Variants in TMEM178B observed in about 807,000 individuals in gnomAD.
TMEM178B encodes transmembrane protein 178B.
A neutral mutation model predicts 31.0 loss-of-function variants in TMEM178B; 5 were observed. That is an observed-to-expected ratio of 0.16 (90% CI 0.08 to 0.34). The LOEUF (loss-of-function observed/expected upper bound fraction) is 0.34. Ranked by LOEUF, TMEM178B falls within the 10% of genes least tolerant of loss-of-function variation. The pLI, the probability that TMEM178B is intolerant of heterozygous loss-of-function variation, is 1.00. For missense variants in TMEM178B, 275 were observed against 400.3 expected (o/e 0.69, Z 2.67); for synonymous variants, 164 against 164.0 (o/e 1.00, Z 0.00).
At chr7:141,130,188 G>A (rs1285131589) in intron 1 of TMEM178B, among the ~76,000 whole-genome samples, 1 of 152,148 alleles carries the variant, frequency 6.6e-6, no homozygotes, top group African/African-American at 2.4e-5. Context: ...CGGCTTTGCA[G>A]GGCCATTTCA....
chr7:141,441,566 G>T (rs1048433976), intron 3 of TMEM178B, among the ~76,000 whole-genome samples: 1 of 152,180 alleles, frequency 6.6e-6, no homozygotes, highest in African/African-American at 2.4e-5. Flanking sequence ...AAGTGAGAAG[G>T]GTGGGGGGAC....
At chr7:141,229,186 A>G (rs758681483) in intron 2 of TMEM178B, among the ~76,000 whole-genome samples, 28 of 151,184 alleles carry the variant, frequency 1.9e-4, no homozygotes, top group Admixed American at 5.3e-4. Flanking sequence ...GTAGGATTCA[A>G]TTGGAGGCTG....
At chr7:141,322,363 T>TA (rs57989369) in intron 2 of TMEM178B, among the ~76,000 whole-genome samples, 160 of 134,424 alleles carry the variant, frequency 1.2e-3, no homozygotes, top group East Asian at 2.5e-3. Context: ...CCCATCTTAC[T>TA]AAAAAAAAAA....
chr7:141,245,111 C>T (rs1354222843), intron 2 of TMEM178B, among the ~76,000 whole-genome samples: 4 of 130,390 alleles, frequency 3.1e-5, no homozygotes, highest in Non-Finnish European at 3.1e-5. Flanking sequence ...TGCAGTGAGC[C>T]GAGATCGCAC....
At chr7:141,348,957 C>T (rs1048649748) in intron 2 of TMEM178B, among the ~76,000 whole-genome samples, 2 of 152,196 alleles carry the variant, frequency 1.3e-5, no homozygotes, top group Non-Finnish European at 2.9e-5. Flanking sequence ...GGCAGGGTAT[C>T]GCTGATTGAC....
chr7:141,204,600 T>C (rs575119068), intron 1 of TMEM178B, among the ~76,000 whole-genome samples: 11 of 152,338 alleles, frequency 7.2e-5, no homozygotes, highest in African/African-American at 2.6e-4. Flanking sequence ...ATTGTGTAAA[T>C]ACAGCTTGTG....
intron 2 of TMEM178B, among the ~76,000 whole-genome samples, chr7:141,216,544 G>GGT (rs143826774): frequency 2.5e-4 from 37 of 148,282 alleles, no homozygotes; most frequent in African/African-American, 5.2e-4. Context: ...CAGGTGAACT[G>GGT]GTGTGTGTGT....
intron 1 of TMEM178B, among the ~76,000 whole-genome samples, chr7:141,168,730 A>T (rs1489035814): frequency 6.6e-6 from 1 of 152,130 alleles, no homozygotes; most frequent in African/African-American, 2.4e-5. Context: ...AGATCATGCC[A>T]CAGCACTCCA....
In TMEM178B at chr7:141,336,209, C is replaced by T. The variant is rs188736193; in HGVS notation, c.497-101399C>T. On this transcript the variant is annotated intron_variant, in intron 2 of 3. Transcript: ENST00000565468. The stretch of plus-strand genomic sequence containing the variant: ...CCTCATCCTGACTCTTTTTACCCAC[C>T]CTGGCCACTCTGTACTTCCAGGCTT... Among the ~76,000 whole-genome samples, 8 of 152,212 alleles carry T rather than the reference C, an allele frequency of 5.3e-5. No individual in the cohort carries two copies. The South Asian group carries it at 1.2e-3, about 24-fold the overall frequency.
intron 2 of TMEM178B, among the ~76,000 whole-genome samples, chr7:141,236,788 A>G (rs1157305828): frequency 6.6e-6 from 1 of 152,238 alleles, no homozygotes; most frequent in Non-Finnish European, 1.5e-5. Context: ...GCTTAAGGGA[A>G]ATTACAAAGG....
intron 1 of TMEM178B, among the ~76,000 whole-genome samples, chr7:141,203,309 C>T (rs545693043): frequency 1.3e-3 from 192 of 152,184 alleles, no homozygotes; most frequent in South Asian, 4.0e-3. Context: ...AGCCAGGCCT[C>T]GGGCTAGAAA....
intron 1 of TMEM178B, among the ~76,000 whole-genome samples, chr7:141,100,963 G>A (rs1795046609): frequency 6.6e-6 from 1 of 152,192 alleles, no homozygotes; most frequent in African/African-American, 2.4e-5. Context: ...TAAAGAAACA[G>A]ATGCCGTCAA....
At chr7:141,207,932 A>G (rs181158262) in intron 1 of TMEM178B, among the ~76,000 whole-genome samples, 1 of 152,190 alleles carries the variant, frequency 6.6e-6, no homozygotes, top group Non-Finnish European at 1.5e-5. Context: ...GCTTGTGCCT[A>G]TAATCCCAGC....
At chr7:141,086,024 CA>C (rs1301512096) in intron 1 of TMEM178B, among the ~76,000 whole-genome samples, 1 of 152,030 alleles carries the variant, frequency 6.6e-6, no homozygotes, top group Admixed American at 6.6e-5. Flanking sequence ...ATTTGAAATA[CA>C]TGTATTAATA....
At chr7:141,298,972 T>C (rs756961415) in intron 2 of TMEM178B, among the ~76,000 whole-genome samples, 3 of 151,992 alleles carry the variant, frequency 2.0e-5, no homozygotes, top group Non-Finnish European at 4.4e-5. Flanking sequence ...CTGAGTTTGG[T>C]AGGAACATGT....
chr7:141,405,701 C>T (rs1800873703), intron 2 of TMEM178B, among the ~76,000 whole-genome samples: 1 of 152,090 alleles, frequency 6.6e-6, no homozygotes, highest in Non-Finnish European at 1.5e-5. Context: ...CCCAGGTGCA[C>T]AAAAGTGATC....
intron 2 of TMEM178B, among the ~76,000 whole-genome samples, chr7:141,391,440 G>A (rs919001786): frequency 2.0e-5 from 3 of 152,264 alleles, no homozygotes; most frequent in South Asian, 4.2e-4. Context: ...GATTACAGGC[G>A]TGAGCCACCA....
intron 2 of TMEM178B, among the ~76,000 whole-genome samples, chr7:141,368,870 T>C (rs1257918606): frequency 2.0e-5 from 3 of 152,234 alleles, no homozygotes; most frequent in Non-Finnish European, 4.4e-5. Flanking sequence ...TAGAGGACCA[T>C]GCCGCTCCTG....
At chr7:141,360,398 C>T (rs189222590) in intron 2 of TMEM178B, among the ~76,000 whole-genome samples, 1 of 152,314 alleles carries the variant, frequency 6.6e-6, no homozygotes, top group East Asian at 1.9e-4. Flanking sequence ...CTTATTGCAG[C>T]TAATAAGAGG....
Sources: gnomAD v4.1 joint callset for allele counts (sites outside exome capture counted in the v4.1 genomes callset) on GRCh38, gnomAD v4.1.1 for gene constraint, MANE v1.5 for transcripts, NCBI Gene and HGNC (gene_info 2026-07-23, HGNC 2026-07-21) for gene names.